KCNIP4: variants seen among roughly 807,000 people sequenced by gnomAD.
KCNIP4 encodes Kv channel-interacting protein 4.
In KCNIP4, 12 loss-of-function variants were observed where a neutral mutation model predicts 34.0. That is an observed-to-expected ratio of 0.35 (90% CI 0.23 to 0.57). The LOEUF (loss-of-function observed/expected upper bound fraction) is 0.57. KCNIP4 is among the 20% of genes least tolerant of loss of function. KCNIP4 has a pLI of 0.83. For synonymous variants in KCNIP4, 124 were observed against 102.2 expected (o/e 1.21, Z -1.29); for missense variants, 238 against 311.7 (o/e 0.76, Z 1.78).
intron 1 of KCNIP4, among the ~76,000 whole-genome samples, chr4:21,754,298 G>A (rs775203257): frequency 6.6e-6 from 1 of 151,910 alleles, no homozygotes; most frequent in Non-Finnish European, 1.5e-5. Flanking sequence ...TGCTTTATTT[G>A]TCTATACAGC....
At chr4:21,868,640 AT>A (rs1326581815) in intron 1 of KCNIP4, among the ~76,000 whole-genome samples, 1 of 152,216 alleles carries the variant, frequency 6.6e-6, no homozygotes, top group Non-Finnish European at 1.5e-5. Flanking sequence ...TTGTTACTGA[AT>A]CTAATTCTAT....
At chr4:20,887,400 G>T (rs1262010988) in intron 1 of KCNIP4, among the ~76,000 whole-genome samples, 1 of 147,250 alleles carries the variant, frequency 6.8e-6, no homozygotes, top group Admixed American at 6.8e-5. Context: ...AAAACTTAAA[G>T]TATAATAAAT....
chr4:21,131,938 G>A lies in KCNIP4; in HGVS notation c.62-249229C>T, dbSNP rs149613409. Among the ~76,000 whole-genome samples the A allele has an allele frequency of 2.0e-5, 3 of 152,162 alleles. No individual in the cohort carries two copies. In the East Asian group the frequency reaches 5.8e-4, roughly 29 times the overall value. On this transcript the variant is annotated intron_variant, in intron 1 of 8. Transcript: ENST00000382152. ...CTTCCAGGTATGGCTTCTCAAATGG[G>A]GCCATTGTATTGGATGGCAGTGTTA...
At chr4:20,785,832 G>C (rs1355261062) in intron 3 of KCNIP4, among the ~76,000 whole-genome samples, 3 of 151,954 alleles carry the variant, frequency 2.0e-5, no homozygotes, top group African/African-American at 7.3e-5. Flanking sequence ...TTGGTGGAAG[G>C]ATCTCCATTT....
At chr4:21,404,409 T>C (rs1056573432) in intron 1 of KCNIP4, among the ~76,000 whole-genome samples, 1 of 152,216 alleles carries the variant, frequency 6.6e-6, no homozygotes, top group African/African-American at 2.4e-5. Flanking sequence ...ATATCTATGG[T>C]TGAATGCATC....
At position 21,253,985 on chromosome 4, in the gene KCNIP4, T is replaced by C. The variant is rs370784453; in HGVS notation, c.62-371276A>G. On this transcript the variant is annotated intron_variant, in intron 1 of 8. Coordinates refer to ENST00000382152, the MANE Select transcript of KCNIP4 (RefSeq NM_025221.6). ...TGTGCAATTCCATTTATATGAAATA[T>C]CCAGAATAGGTAAGTGTGTAGACAC... Among the ~76,000 whole-genome samples, 158 of 152,282 alleles carry C rather than the reference T, an allele frequency of 1.0e-3. 1 individual carries two copies. The highest frequency in any genetic ancestry group is 3.6e-3 in the African/African-American group (149 of 41,538).
chr4:21,015,788 AAT>A (rs908811306), intron 1 of KCNIP4, among the ~76,000 whole-genome samples: 7 of 136,592 alleles, frequency 5.1e-5, no homozygotes, highest in Admixed American at 1.6e-4. Context: ...TAAATATATA[AAT>A]ATATATAAAT....
intron 1 of KCNIP4, among the ~76,000 whole-genome samples, chr4:21,865,137 C>T (rs11722634): frequency 0.1 from 15,404 of 151,544 alleles, 935 homozygotes; most frequent in Non-Finnish European, 0.13. Context: ...TAAAAAAAAG[C>T]TAATTGATGA....
intron 1 of KCNIP4, among the ~76,000 whole-genome samples, chr4:20,952,057 C>A (rs970837534): frequency 4.0e-5 from 6 of 151,832 alleles, no homozygotes; most frequent in African/African-American, 9.7e-5. Context: ...TATTTATAAG[C>A]GATATATAGA....
chr4:21,179,707 T>C (rs1411108624), intron 1 of KCNIP4, among the ~76,000 whole-genome samples: 3 of 152,168 alleles, frequency 2.0e-5, no homozygotes, highest in African/African-American at 7.2e-5. Context: ...CTAACTTTAA[T>C]TTTCTTTGAA....
chr4:21,836,514 C>T (rs1723328843), intron 1 of KCNIP4, among the ~76,000 whole-genome samples: 1 of 152,110 alleles, frequency 6.6e-6, no homozygotes, highest in African/African-American at 2.4e-5. Flanking sequence ...CTTCAATGTA[C>T]ATTTTCCAGA....
chr4:21,322,118 A>G (rs1236429987), intron 1 of KCNIP4, among the ~76,000 whole-genome samples: 2 of 131,144 alleles, frequency 1.5e-5, no homozygotes, highest in Admixed American at 1.5e-4. Flanking sequence ...GGGAAGGAAG[A>G]AAGGAAGAAG....
At chr4:21,101,921 A>G (rs1047222377) in intron 1 of KCNIP4, among the ~76,000 whole-genome samples, 2 of 152,082 alleles carry the variant, frequency 1.3e-5, no homozygotes, top group African/African-American at 4.8e-5. Context: ...TTTTTTTGAG[A>G]TGTTTCATGG....
chr4:20,858,032 A>G (rs140151092), intron 2 of KCNIP4, among the ~76,000 whole-genome samples: 16,925 of 151,332 alleles, frequency 0.11, 1,289 homozygotes, highest in Non-Finnish European at 0.16. Context: ...ACATGGCAAA[A>G]CCCCCCATCT....
chr4:20,875,815 C>A lies in KCNIP4; in HGVS notation c.163+6793G>T, dbSNP rs1388517630. 2.0e-5 allele frequency among the ~76,000 whole-genome samples: 3 copies of A among 152,102 alleles called. No homozygotes were observed. The East Asian group carries it at 5.8e-4, about 29-fold the overall frequency. ...TTTTGCAAACAAATCCTCCAACAGC[C>A]AAATGCTGATGGTTTCTCTGCCAAC... On this transcript the variant is annotated intron_variant, in intron 2 of 8. Transcript: ENST00000382152.
At chr4:21,519,785 A>ATGTATGTGTGTATACACGTGTGTGTATG (rs1560481346) in intron 1 of KCNIP4, among the ~76,000 whole-genome samples, 2 of 128,578 alleles carry the variant, frequency 1.6e-5, no homozygotes, top group African/African-American at 3.2e-5. Context: ...ACGTGTGTGT[A>ATGTATGTGTGTATACACGTGTGTGTATG]TGTGTGTGTA....
In KCNIP4 at chr4:21,147,320, G is replaced by A. The variant is rs148239830; in HGVS notation, c.62-264611C>T. Among the ~76,000 whole-genome samples the A allele has an allele frequency of 5.7e-4, 87 of 152,214 alleles. No homozygotes were observed. In the Middle Eastern group the frequency reaches 0.014, roughly 24 times the overall value. On this transcript the variant is annotated intron_variant, in intron 1 of 8. Coordinates refer to ENST00000382152, the MANE Select transcript of KCNIP4 (RefSeq NM_025221.6). Reference sequence around the variant, plus strand: ...TTCTCGGGGAGGCCCAGTTTGCACTGCTGTTGCCAGCCAGAGAGACCGTAG... The same window carrying A: ...TTCTCGGGGAGGCCCAGTTTGCACTACTGTTGCCAGCCAGAGAGACCGTAG...
chr4:21,475,032 A>T (rs868273085), intron 1 of KCNIP4, among the ~76,000 whole-genome samples: 1 of 151,290 alleles, frequency 6.6e-6, no homozygotes, highest in Admixed American at 6.6e-5. Context: ...TTAATAAAAT[A>T]AATTAATTAA....
chr4:20,833,646 T>C (rs1718692968), intron 3 of KCNIP4, among the ~76,000 whole-genome samples: 1 of 152,178 alleles, frequency 6.6e-6, no homozygotes, highest in South Asian at 2.1e-4. Flanking sequence ...AATTGGTCCT[T>C]TACGCAAAAT....
Sources: allele counts gnomAD v4.1 joint callset (sites outside exome capture counted in the v4.1 genomes callset), GRCh38; gene constraint gnomAD v4.1.1; transcripts MANE v1.5; gene names NCBI Gene and HGNC (gene_info 2026-07-23, HGNC 2026-07-21).